Variants in RMP64 observed in about 807,000 individuals in gnomAD.
RMP64 encodes ribonuclease MRP subunit p64, also known as nucleolus and neural progenitor protein.
chr3:113,008,492 A>G, the RMP64 span: 12 of 1,395,064 alleles, frequency 8.6e-6, no homozygotes, highest in South Asian at 1.0e-4. Flanking sequence ...ATTATATGAC[A>G]ACAAGGAAAG....
the RMP64 span, chr3:113,019,609 G>A: frequency 6.2e-7 from 1 of 1,613,854 alleles, no homozygotes. Flanking sequence ...TTCTCACACG[G>A]TTCCACGGCT....
the RMP64 span, chr3:113,019,079 T>G: frequency 1.4e-4 from 24 of 174,742 alleles, no homozygotes; most frequent in Non-Finnish European, 2.1e-4. Flanking sequence ...ATTTCACAGA[T>G]AAGCAGATAG....
the RMP64 span, chr3:113,013,204 A>G: frequency 1.3e-6 from 2 of 1,556,584 alleles, no homozygotes; most frequent in South Asian, 1.1e-5. Flanking sequence ...TTCAAACAAA[A>G]ATACTGTTAA....
the RMP64 span, chr3:113,013,238 A>C: frequency 6.2e-7 from 1 of 1,607,596 alleles, no homozygotes; most frequent in African/African-American, 1.3e-5. Context: ...ATTCCAAATC[A>C]AAAGAAGGTA....
chr3:113,013,462 GTTT>G, the RMP64 span: 1,739 of 932,494 alleles, frequency 1.9e-3, no homozygotes, highest in Admixed American at 2.3e-3. Flanking sequence ...TTTTTTTTTT[GTTT>G]TTTTTTTTTT....
At chr3:113,003,557 T>C in the RMP64 span, 1 of 152,126 alleles carries the variant, frequency 6.6e-6, no homozygotes, top group Non-Finnish European at 1.5e-5. Flanking sequence ...TTTTTTGCCA[T>C]TTTCCCAGAA....
the RMP64 span, among the ~76,000 whole-genome samples, chr3:113,006,278 C>G: frequency 6.6e-6 from 1 of 152,126 alleles, no homozygotes; most frequent in African/African-American, 2.4e-5. Context: ...GGCGAGATAC[C>G]CTATACTTTA....
chr3:113,018,824 G>T, the RMP64 span, among the ~76,000 whole-genome samples: 1 of 152,136 alleles, frequency 6.6e-6, no homozygotes, highest in African/African-American at 2.4e-5. Flanking sequence ...ATCTCCATTT[G>T]AAAGTGAGAT....
the RMP64 span, chr3:113,013,525 A>G: frequency 1.1e-6 from 1 of 885,990 alleles, no homozygotes; most frequent in African/African-American, 1.7e-5. Flanking sequence ...TGAAACAAAG[A>G]GATGCATAGG....
the RMP64 span, chr3:113,010,800 A>T: frequency 9.4e-7 from 1 of 1,062,922 alleles, no homozygotes; most frequent in East Asian, 2.5e-5. Context: ...TTGCCAAATT[A>T]CCACAAAATA....
the RMP64 span, among the ~76,000 whole-genome samples, chr3:113,015,425 G>T: frequency 6.6e-6 from 1 of 152,222 alleles, no homozygotes; most frequent in East Asian, 1.9e-4. Flanking sequence ...TGAGAAGATT[G>T]CAATTTTAAA....
Sources: gnomAD v4.1 joint callset for allele counts (sites outside exome capture counted in the v4.1 genomes callset) on GRCh38, gnomAD v4.1.1 for gene constraint, MANE v1.5 for transcripts, NCBI Gene and HGNC (gene_info 2026-07-23, HGNC 2026-07-21) for gene names.